Variants in DNM3 observed in about 807,000 individuals in gnomAD.
DNM3 encodes the protein dynamin-3.
DNM3 carries 47 observed loss-of-function variants against 101.6 expected under a neutral mutation model. The ratio of observed to expected loss-of-function variants is 0.46; its 90% CI spans 0.37 to 0.59. The LOEUF is 0.59. DNM3 is among the 20% of genes least tolerant of loss of function. The pLI is 0.00. For synonymous variants in DNM3, 385 were observed against 387.9 expected (o/e 0.99, Z 0.09); for missense variants, 849 against 1,085.7 (o/e 0.78, Z 3.06).
chr1:172,262,601 GC>G (rs1465581494), intron 15 of DNM3, among the ~76,000 whole-genome samples: 1 of 152,088 alleles, frequency 6.6e-6, no homozygotes, highest in Non-Finnish European at 1.5e-5. Flanking sequence ...CTCCTTTCTT[GC>G]TTTTGGTGCT....
rs752129639 is a variant in DNM3 at position 172,408,538 on chromosome 1, A to G, written c.*697A>G. 44 of 985,268 alleles carry G rather than the reference A, an allele frequency of 4.5e-5. No individual in the cohort carries two copies. The highest frequency in any genetic ancestry group is 5.1e-5 in the Non-Finnish European group (42 of 829,910). The allele number at this position is 985,268 out of a possible 1,614,324, so 61.0% of individuals were successfully genotyped here. On this transcript the variant is annotated 3_prime_UTR_variant, in exon 21 of 21. Coordinates refer to ENST00000627582, the MANE Select transcript of DNM3 (RefSeq NM_015569.5). ...AGCTTCTTTTTTTGTTAATCAGTCA[A>G]TAAATTTGGCTAATTAGTTTCAGAG... is the stretch of plus-strand genomic sequence containing the variant.
chr1:172,163,139 C>T lies in DNM3; in HGVS notation c.1659+31851C>T, dbSNP rs186055257. Among the ~76,000 whole-genome samples the T allele has an allele frequency of 2.0e-5, 3 of 152,036 alleles. No individual in the cohort carries two copies. The East Asian group carries it at 5.8e-4, about 29-fold the overall frequency. On this transcript the variant is annotated intron_variant, in intron 14 of 20. Transcript: ENST00000627582. ...GTCAAGTTAATTAACATGTACATCA[C>T]CTCACATCATTACTATTTTTGTGTG...
At chr1:172,035,624 T>C (rs1397735552) in intron 6 of DNM3, among the ~76,000 whole-genome samples, 4 of 152,142 alleles carry the variant, frequency 2.6e-5, no homozygotes, top group Admixed American at 6.6e-5. Flanking sequence ...TGGAGATGTC[T>C]GAGAAGCAAA....
downstream of DNM3, chr1:172,412,867 T>C (rs2071289334): frequency 1.6e-6 from 1 of 636,534 alleles, no homozygotes; most frequent in African/African-American, 2.0e-5. Context: ...TGTCATTAAT[T>C]TGGAGAAAGA....
rs537517453 is a variant in DNM3 at position 172,226,748 on chromosome 1, T to G, written c.1660-26825T>G. On this transcript the variant is annotated intron_variant, in intron 14 of 20. Coordinates refer to ENST00000627582, the MANE Select transcript of DNM3 (RefSeq NM_015569.5). Reference sequence around the variant, plus strand: ...GTCATAATTTTTTAGCTAGTCCCCATTTGATGGGCATTTATTTTCAGTTTT... The same window carrying G: ...GTCATAATTTTTTAGCTAGTCCCCAGTTGATGGGCATTTATTTTCAGTTTT... Among the ~76,000 whole-genome samples the G allele has an allele frequency of 3.4e-4, 52 of 152,284 alleles. 1 individual carries two copies. Among genetic ancestry groups the G allele is most frequent in the African/African-American group, 1.2e-3 (48 of 41,578 alleles).
chr1:172,187,202 A>G (rs1298199010), intron 14 of DNM3, among the ~76,000 whole-genome samples: 2 of 152,020 alleles, frequency 1.3e-5, no homozygotes, highest in Non-Finnish European at 2.9e-5. Flanking sequence ...TCCCACCAGC[A>G]GTCCAGAGTG....
intron 14 of DNM3, among the ~76,000 whole-genome samples, chr1:172,159,306 A>G (rs1431509907): frequency 2.0e-5 from 3 of 152,038 alleles, no homozygotes; most frequent in African/African-American, 7.2e-5. Context: ...TAAATGTATT[A>G]TCTTCAGAAA....
At chr1:172,067,510 G>C (rs962469552) in intron 10 of DNM3, among the ~76,000 whole-genome samples, 1 of 151,938 alleles carries the variant, frequency 6.6e-6, no homozygotes, top group South Asian at 2.1e-4. Flanking sequence ...GTTTCTGCAC[G>C]GACTTTCTTT....
At chr1:172,331,936 A>G (rs1010101320) in intron 17 of DNM3, among the ~76,000 whole-genome samples, 4 of 152,138 alleles carry the variant, frequency 2.6e-5, no homozygotes, top group Non-Finnish European at 5.9e-5. Flanking sequence ...TCACAGCAGT[A>G]GAAATAGTGA....
rs577617299 is a variant in DNM3, at chr1:172,331,562, A to G, written c.1893+8222A>G. ...TGATTTCAGCCATGAGCAGCACTTA[A>G]TATACGTTTGCTAGGCACCCCACCA... On this transcript the variant is annotated intron_variant, in intron 17 of 20. Transcript: ENST00000627582. Among the ~76,000 whole-genome samples, 106 of 152,274 alleles carry G rather than the reference A, an allele frequency of 7.0e-4. 3 individuals are homozygous for G. The highest frequency in any genetic ancestry group is 6.7e-3 in the Admixed American group (102 of 15,278).
At chr1:172,400,402 G>T (rs2070384624) in intron 20 of DNM3, among the ~76,000 whole-genome samples, 1 of 152,028 alleles carries the variant, frequency 6.6e-6, no homozygotes, top group African/African-American at 2.4e-5. Flanking sequence ...GGATAGAAGG[G>T]AGATAGGAAG....
chr1:172,324,210 CTACCAGGTGGCCCACTTA>C (rs373593701), intron 17 of DNM3, among the ~76,000 whole-genome samples: 1 of 152,242 alleles, frequency 6.6e-6, no homozygotes, highest in African/African-American at 2.4e-5. Context: ...GTGCTTCACC[CTACCAGGTGGCCCACTTA>C]AAACGGGCCT....
chr1:171,960,691 G>T (rs1260653173), intron 2 of DNM3, among the ~76,000 whole-genome samples: 1 of 152,100 alleles, frequency 6.6e-6, no homozygotes, highest in Non-Finnish European at 1.5e-5. Context: ...ATAAAGATAA[G>T]GGAGAAATAG....
At chr1:171,911,764 C>T (rs1274217234) in intron 1 of DNM3, among the ~76,000 whole-genome samples, 2 of 152,080 alleles carry the variant, frequency 1.3e-5, no homozygotes, top group Admixed American at 6.6e-5. Context: ...GAGGGGTTGA[C>T]GTGAGCTGTC....
chr1:171,911,273 C>CTTTTTTT (rs151321245), intron 1 of DNM3, among the ~76,000 whole-genome samples: 78 of 90,756 alleles, frequency 8.6e-4, no homozygotes, highest in East Asian at 2.4e-3. Context: ...ACCCCAACAT[C>CTTTTTTT]TTTTTTTTTT....
chr1:171,875,813 CTTTTTT>C (rs60523795), intron 1 of DNM3, among the ~76,000 whole-genome samples: 1 of 104,682 alleles, frequency 9.6e-6, no homozygotes, highest in Admixed American at 1.0e-4. Flanking sequence ...AGTTGTCTCT[CTTTTTT>C]TTTTTTTTTT....
At chr1:172,241,239 A>ATGTGTG (rs1262155821) in intron 14 of DNM3, among the ~76,000 whole-genome samples, 38,318 of 148,018 alleles carry the variant, frequency 0.26, 5,149 homozygotes, top group African/African-American at 0.36. Context: ...ATATACATAG[A>ATGTGTG]TGTGTGTGTG....
chr1:172,354,571 C>T (rs1448035908), intron 17 of DNM3, among the ~76,000 whole-genome samples: 1 of 152,128 alleles, frequency 6.6e-6, no homozygotes, highest in East Asian at 1.9e-4. Flanking sequence ...TCCACAAAGA[C>T]ATGTAGAGTT....
At chr1:172,367,726 A>G (rs894644798) in intron 17 of DNM3, among the ~76,000 whole-genome samples, 4 of 151,950 alleles carry the variant, frequency 2.6e-5, no homozygotes, top group African/African-American at 9.7e-5. Flanking sequence ...ATACTCATAG[A>G]CTGAAAGTGA....
Sources: allele counts gnomAD v4.1 joint callset (sites outside exome capture counted in the v4.1 genomes callset), GRCh38; gene constraint gnomAD v4.1.1; transcripts MANE v1.5; gene names NCBI Gene and HGNC (gene_info 2026-07-23, HGNC 2026-07-21).